CACNA1E: variants seen among roughly 807,000 people sequenced by gnomAD.
CACNA1E encodes calcium voltage-gated channel subunit alpha1 E, also known as voltage-dependent R-type calcium channel subunit alpha-1E.
In CACNA1E, 40 loss-of-function variants were observed where a neutral mutation model predicts 259.2. That is an observed-to-expected ratio of 0.15 (90% CI 0.12 to 0.20). The LOEUF (loss-of-function observed/expected upper bound fraction) is 0.20. CACNA1E is among the 10% of genes least tolerant of loss of function. The pLI, the probability that CACNA1E is intolerant of heterozygous loss-of-function variation, is 1.00. For missense variants in CACNA1E, 1,874 were observed against 3,040.1 expected (o/e 0.62, Z 9.02); for synonymous variants, 1,104 against 1,138.5 (o/e 0.97, Z 0.61).
intron 1 of CACNA1E, among the ~76,000 whole-genome samples, chr1:181,506,952 G>A (rs555273706): frequency 1.1e-4 from 16 of 152,060 alleles, no homozygotes; most frequent in South Asian, 2.1e-4. Context: ...CTTCATTACC[G>A]CAGCCATGAA....
intron 1 of CACNA1E, among the ~76,000 whole-genome samples, chr1:181,372,936 C>T (rs1234400803): frequency 1.3e-5 from 2 of 151,548 alleles, no homozygotes; most frequent in Non-Finnish European, 2.9e-5. Context: ...TAATGAATCA[C>T]GTTTATTGAT....
At chr1:181,452,111 C>T (rs1373675811) in intron 2 of CACNA1E, among the ~76,000 whole-genome samples, 1 of 152,188 alleles carries the variant, frequency 6.6e-6, no homozygotes, top group Non-Finnish European at 1.5e-5. Flanking sequence ...CGGATGAGGG[C>T]TTAGTCAATC....
intron 40 of CACNA1E, among the ~76,000 whole-genome samples, chr1:181,784,351 C>T (rs1660681830): frequency 6.6e-6 from 1 of 152,146 alleles, no homozygotes; most frequent in Admixed American, 6.5e-5. Flanking sequence ...GTACTTGCGG[C>T]TATTGTTATT....
chr1:181,348,043 G>C (rs2804703), intron 1 of CACNA1E, among the ~76,000 whole-genome samples: 4 of 152,182 alleles, frequency 2.6e-5, no homozygotes, highest in African/African-American at 4.8e-5. Context: ...TTCCACCCAG[G>C]CTTGGTTCCT....
intron 1 of CACNA1E, among the ~76,000 whole-genome samples, chr1:181,387,619 C>T (rs1655946958): frequency 6.6e-6 from 1 of 152,196 alleles, no homozygotes; most frequent in African/African-American, 2.4e-5. Context: ...GGCTAGTTCT[C>T]TCTAACTGGA....
chr1:181,789,845 C>A (rs1661144167), intron 43 of CACNA1E, among the ~76,000 whole-genome samples: 2 of 152,202 alleles, frequency 1.3e-5, no homozygotes, highest in African/African-American at 4.8e-5. Context: ...ACCATTTAAA[C>A]CTCTTCCTAC....
chr1:181,506,605 A>G (rs980711994), intron 1 of CACNA1E, among the ~76,000 whole-genome samples: 2 of 152,222 alleles, frequency 1.3e-5, no homozygotes, highest in Non-Finnish European at 2.9e-5. Flanking sequence ...AGAAGAAATA[A>G]TACAGTCACA....
At chr1:181,654,982 CAAAAAAAAAA>C (rs1208750325) in intron 7 of CACNA1E, among the ~76,000 whole-genome samples, 1 of 53,400 alleles carries the variant, frequency 1.9e-5, no homozygotes, top group Admixed American at 2.0e-4. Context: ...GACTCCATCT[CAAAAAAAAAA>C]AAAAAAAAAA....
intron 39 of CACNA1E, among the ~76,000 whole-genome samples, chr1:181,783,349 A>T (rs1335095286): frequency 6.6e-6 from 1 of 152,212 alleles, no homozygotes; most frequent in African/African-American, 2.4e-5. Context: ...CACTTCTTTT[A>T]GAAATCACTT....
chr1:181,509,446 G>A (rs557580129), intron 1 of CACNA1E, among the ~76,000 whole-genome samples: 2 of 152,042 alleles, frequency 1.3e-5, no homozygotes, highest in African/African-American at 2.4e-5. Context: ...CCAGATCTAC[G>A]GCTCCTCTCT....
In CACNA1E at chr1:181,691,448, T is replaced by G. The variant is rs186671250; in HGVS notation, c.1056-19506T>G. 7.9e-5 allele frequency among the ~76,000 whole-genome samples: 12 copies of G among 152,134 alleles called. No homozygotes were observed. In the East Asian group the frequency reaches 2.1e-3, roughly 27 times the overall value. On this transcript the variant is annotated intron_variant, in intron 7 of 47. Coordinates refer to ENST00000367573, the MANE Select transcript of CACNA1E (RefSeq NM_001205293.3). ...ATGAAAAGGGTGGCATCACTATAGA[T>G]CCTACAGAAATCAGATAATTAAGGT...
At chr1:181,556,896 G>C (rs1648783164) in intron 3 of CACNA1E, among the ~76,000 whole-genome samples, 1 of 152,198 alleles carries the variant, frequency 6.6e-6, no homozygotes, top group Non-Finnish European at 1.5e-5. Context: ...CTAGTTTATA[G>C]CCTTTCCTAG....
chr1:181,739,715 G>A (rs1216740451), intron 25 of CACNA1E, among the ~76,000 whole-genome samples: 1 of 152,158 alleles, frequency 6.6e-6, no homozygotes, highest in African/African-American at 2.4e-5. Flanking sequence ...ATTCATAGCA[G>A]GTGTAAACGA....
intron 1 of CACNA1E, among the ~76,000 whole-genome samples, chr1:181,498,637 T>C (rs1248992903): frequency 6.6e-6 from 1 of 152,190 alleles, no homozygotes. Flanking sequence ...AATATTAGAT[T>C]TATAGAGAAT....
In CACNA1E at chr1:181,758,735, C is replaced by G; in HGVS notation, c.4495-23C>G. ...TTACCTTAAGGCTGTGATTCTTTCT[C>G]TCTTCTTTTTTCTTCCTGGCAGTAT... On this transcript the variant is annotated intron_variant, in intron 31 of 47. Coordinates refer to ENST00000367573, the MANE Select transcript of CACNA1E (RefSeq NM_001205293.3). This position sits in a 1 kb window ranked among gnomAD's most constrained non-coding sequence, Gnocchi z 4.2. 4 of 1,330,744 alleles carry G rather than the reference C, an allele frequency of 3.0e-6. No individual in the cohort carries two copies. Among genetic ancestry groups the G allele is most frequent in the Non-Finnish European group, 4.3e-6 (4 of 927,908 alleles). The allele number at this position is 1,330,744 out of a possible 1,614,324, so 82.4% of individuals were successfully genotyped here. A position where few individuals can be genotyped will look rare whatever the true frequency, so the allele number is the denominator to read the frequency against.
At chr1:181,372,604 G>A (rs971088573) in intron 1 of CACNA1E, among the ~76,000 whole-genome samples, 46 of 151,938 alleles carry the variant, frequency 3.0e-4, no homozygotes, top group African/African-American at 1.0e-3. Flanking sequence ...TCTCTTGCCC[G>A]ATTGCTATGG....
At chr1:181,532,493 G>A in intron 3 of CACNA1E, among the ~76,000 whole-genome samples, 1 of 152,236 alleles carries the variant, frequency 6.6e-6, no homozygotes, top group South Asian at 2.1e-4. Context: ...GGGCTGTGCA[G>A]GCCACCTCCA....
rs1228711500 is a variant in CACNA1E at position 181,721,803 on chromosome 1, C to T, written c.2002C>T (p.Arg668Cys). ...GAATGAGGTGATGTACAATGGGATC[C>T]GCTCCCAGGGTGGGGTCAGCTCAGG... is the stretch of plus-strand genomic sequence containing the variant. ...DWNEVMYNGI[R>C]SQGGVSSGMW... is the part of the protein sequence containing the mutation. The change falls in exon 16 of 48, where the codon CGC becomes TGC. Residue 668 changes from arginine to cysteine, a missense_variant. By Grantham distance (180) the Arg-to-Cys change is radical. This residue lies in a region of CACNA1E where 102 missense variants were observed against 279.4 expected (regional missense o/e 0.37). Transcript: ENST00000367573. 11 of 1,613,398 alleles carry T rather than the reference C, an allele frequency of 6.8e-6. No individual in the cohort carries two copies. The highest frequency in any genetic ancestry group is 1.3e-5 in the African/African-American group (1 of 74,856).
At chr1:181,670,300 T>C (rs1244057767) in intron 7 of CACNA1E, among the ~76,000 whole-genome samples, 1 of 152,224 alleles carries the variant, frequency 6.6e-6, no homozygotes, top group Non-Finnish European at 1.5e-5. Context: ...GGTTATATAC[T>C]GGGTGCTTGG....
Sources: allele counts gnomAD v4.1 joint callset (sites outside exome capture counted in the v4.1 genomes callset), GRCh38; gene constraint gnomAD v4.1.1; regional missense constraint gnomAD v4.1.1; non-coding constraint Gnocchi (gnomAD v3.1); transcripts MANE v1.5; gene names NCBI Gene and HGNC (gene_info 2026-07-23, HGNC 2026-07-21).